GMDS: variants seen among roughly 807,000 people sequenced by gnomAD.
GMDS encodes GDP-mannose 4,6 dehydratase.
Under a neutral mutation model 49.9 loss-of-function variants are expected in GMDS, and 20 were observed. The ratio of observed to expected loss-of-function variants is 0.40; its 90% CI spans 0.28 to 0.58. The LOEUF (loss-of-function observed/expected upper bound fraction) is 0.58, where lower values mean the gene tolerates loss of function less well. GMDS is among the 20% of genes least tolerant of loss of function. GMDS has a pLI of 0.42. For missense variants in GMDS, 362 were observed against 481.4 expected (o/e 0.75, Z 2.32); for synonymous variants, 177 against 178.6 (o/e 0.99, Z 0.07).
chr6:2,090,571 G>T (rs901363854), intron 4 of GMDS, among the ~76,000 whole-genome samples: 3 of 151,998 alleles, frequency 2.0e-5, no homozygotes, highest in Non-Finnish European at 2.9e-5. Context: ...CTTATAAAAC[G>T]ACCTGTTTAA....
intron 7 of GMDS, among the ~76,000 whole-genome samples, chr6:1,884,004 T>C (rs1759485363): frequency 6.6e-6 from 1 of 152,226 alleles, no homozygotes; most frequent in African/African-American, 2.4e-5. Flanking sequence ...TAATATTTAT[T>C]ATACAATTTT....
rs754578430 is a variant in GMDS, at chr6:2,100,645, G to C, written c.345+15126C>G. On this transcript the variant is annotated intron_variant, in intron 4 of 10. Transcript: ENST00000380815. ...GGAAGACTATTAATAAAAACTAAAT[G>C]ACAGCAACAAAATCTATATCACTGA... Among the ~76,000 whole-genome samples the C allele has an allele frequency of 3.1e-4, 47 of 152,030 alleles. 1 individual carries two copies. In the Middle Eastern group the frequency reaches 0.014, roughly 44 times the overall value.
chr6:1,836,533 T>A lies in GMDS; in HGVS notation c.771+93570A>T, dbSNP rs1453124118. On this transcript the variant is annotated intron_variant, in intron 7 of 10. Transcript: ENST00000380815. The surrounding 1 kb of genome is among the most constrained non-coding windows in gnomAD (Gnocchi z 4.2). ...ACTGAATCTGCAAAGTGCTGGTGCATACTTTATGATAAAATAGCTAATGTC... is the reference window on the plus strand; with the variant it reads ...ACTGAATCTGCAAAGTGCTGGTGCAAACTTTATGATAAAATAGCTAATGTC... 1.3e-5 allele frequency among the ~76,000 whole-genome samples: 2 copies of A among 152,256 alleles called. No individual in the cohort carries two copies. Among genetic ancestry groups the A allele is most frequent in the Admixed American group, 1.3e-4 (2 of 15,290 alleles).
intron 7 of GMDS, among the ~76,000 whole-genome samples, 160 bp from the exon 8 acceptor site, chr6:1,742,746 G>A (rs191615375): frequency 6.6e-6 from 1 of 152,300 alleles, no homozygotes; most frequent in Non-Finnish European, 1.5e-5. Flanking sequence ...AACTTTTACT[G>A]AGTATCCGAA....
chr6:1,995,559 G>A (rs1021235398), intron 4 of GMDS, among the ~76,000 whole-genome samples: 4 of 152,148 alleles, frequency 2.6e-5, no homozygotes, highest in African/African-American at 7.2e-5. Context: ...GGGTACCTGC[G>A]TTAGGTTTAC....
intron 4 of GMDS, 65 bp from the exon 5 acceptor site, chr6:1,961,031 G>A: frequency 1.1e-6 from 1 of 916,890 alleles, no homozygotes; most frequent in Non-Finnish European, 1.6e-6. Flanking sequence ...GCTGTCAGCA[G>A]GAACAAAGAC....
intron 1 of GMDS, among the ~76,000 whole-genome samples, chr6:2,190,360 T>C (rs905828461): frequency 6.6e-6 from 1 of 152,264 alleles, no homozygotes; most frequent in Admixed American, 6.5e-5. Context: ...TATAATATAC[T>C]GTGAAATTCA....
chr6:1,749,776 T>C (rs1012095952), intron 7 of GMDS, among the ~76,000 whole-genome samples: 3 of 152,194 alleles, frequency 2.0e-5, no homozygotes, highest in Admixed American at 1.3e-4. Context: ...CCTGTGTGTA[T>C]AGTTCCTAAC....
chr6:1,855,927 G>A (rs1306375255), intron 7 of GMDS, among the ~76,000 whole-genome samples: 12 of 152,172 alleles, frequency 7.9e-5, no homozygotes, highest in Non-Finnish European at 1.5e-4. Context: ...ACATTACAGG[G>A]AGATTCTGAC....
intron 4 of GMDS, among the ~76,000 whole-genome samples, chr6:2,055,789 A>T (rs1022837452): frequency 6.6e-6 from 1 of 152,100 alleles, no homozygotes; most frequent in African/African-American, 2.4e-5. Context: ...GTGTGTTTAA[A>T]TCTTAGTTTT....
intron 4 of GMDS, among the ~76,000 whole-genome samples, chr6:2,007,715 T>G (rs1336147276): frequency 6.6e-6 from 1 of 152,192 alleles, no homozygotes; most frequent in Non-Finnish European, 1.5e-5. Flanking sequence ...CTTGGTTTTC[T>G]CATAAAAGAG....
chr6:1,959,613 C>T (rs1763828935), intron 6 of GMDS: 1 of 278,080 alleles, frequency 3.6e-6, no homozygotes, highest in Non-Finnish European at 6.7e-6. Flanking sequence ...TTGATAAGAT[C>T]TACTAATTAA....
At chr6:2,056,044 T>C (rs1317029265) in intron 4 of GMDS, among the ~76,000 whole-genome samples, 1 of 152,186 alleles carries the variant, frequency 6.6e-6, no homozygotes, top group East Asian at 1.9e-4. Context: ...CAATGTAAGA[T>C]AAGATTTTAT....
intron 9 of GMDS, among the ~76,000 whole-genome samples, chr6:1,700,797 T>C (rs1053280858): frequency 2.6e-5 from 4 of 152,154 alleles, no homozygotes; most frequent in Non-Finnish European, 5.9e-5. Context: ...GGCTGAGCAG[T>C]CCACCTCCAC....
At chr6:1,829,567 T>C (rs911738415) in intron 7 of GMDS, among the ~76,000 whole-genome samples, 1 of 152,130 alleles carries the variant, frequency 6.6e-6, no homozygotes, top group Non-Finnish European at 1.5e-5. Context: ...GCCTGTAAAG[T>C]AGCTGGGAAC....
intron 7 of GMDS, among the ~76,000 whole-genome samples, chr6:1,865,654 T>C (rs1360280910): frequency 6.6e-6 from 1 of 152,146 alleles, no homozygotes; most frequent in Non-Finnish European, 1.5e-5. Context: ...GGAAAAAAGA[T>C]GTTAGAGAAG....
At chr6:1,907,914 C>T (rs902619983) in intron 7 of GMDS, among the ~76,000 whole-genome samples, 1 of 152,150 alleles carries the variant, frequency 6.6e-6, no homozygotes. Context: ...CGTACACACA[C>T]GATGTTTTTT....
chr6:1,710,786 G>A (rs771154048), intron 9 of GMDS, among the ~76,000 whole-genome samples: 1 of 152,242 alleles, frequency 6.6e-6, no homozygotes, highest in Non-Finnish European at 1.5e-5. Flanking sequence ...GGGCGGGGGT[G>A]TGAATGGCTC....
intron 4 of GMDS, among the ~76,000 whole-genome samples, chr6:1,992,167 G>A (rs887855326): frequency 1.3e-5 from 2 of 152,198 alleles, no homozygotes; most frequent in African/African-American, 4.8e-5. Flanking sequence ...GAGTTTCTGA[G>A]TATTCCCCAA....
Sources: allele counts gnomAD v4.1 joint callset (sites outside exome capture counted in the v4.1 genomes callset), GRCh38; gene constraint gnomAD v4.1.1; non-coding constraint Gnocchi (gnomAD v3.1); transcripts MANE v1.5; gene names NCBI Gene and HGNC (gene_info 2026-07-23, HGNC 2026-07-21).